The following PPP3CA variants were observed in gnomAD, a reference collection of about 807,000 sequenced individuals.
PPP3CA encodes the protein CAM-PRP catalytic subunit.
In PPP3CA, 14 loss-of-function variants were observed where a neutral mutation model predicts 66.5. That is an observed-to-expected ratio of 0.21 (90% CI 0.14 to 0.33). PPP3CA has a LOEUF of 0.33. PPP3CA is among the 10% of genes least tolerant of loss of function. PPP3CA has a pLI of 1.00. For synonymous variants in PPP3CA, 232 were observed against 226.2 expected (o/e 1.03, Z -0.23); for missense variants, 317 against 639.5 (o/e 0.50, Z 5.44).
At chr4:101,035,737 G>A (rs182365567) in intron 11 of PPP3CA, among the ~76,000 whole-genome samples, 6 of 151,980 alleles carry the variant, frequency 3.9e-5, no homozygotes, top group Admixed American at 6.6e-5. Flanking sequence ...TGCCTCACAC[G>A]GAAGCCATGC....
At chr4:101,044,035 C>A (rs1727654066) in intron 10 of PPP3CA, among the ~76,000 whole-genome samples, 1 of 152,160 alleles carries the variant, frequency 6.6e-6, no homozygotes, top group African/African-American at 2.4e-5. Flanking sequence ...TACCTTCAAT[C>A]TTTTCCATAT....
intron 1 of PPP3CA, among the ~76,000 whole-genome samples, chr4:101,225,753 T>C (rs575728884): frequency 2.6e-5 from 4 of 151,946 alleles, no homozygotes; most frequent in African/African-American, 9.6e-5. Context: ...TGACTACTAA[T>C]AGGAAAAGAA....
chr4:101,094,075 C>G (rs994492938), intron 5 of PPP3CA, among the ~76,000 whole-genome samples, 160 bp from the exon 6 acceptor site: 4 of 152,100 alleles, frequency 2.6e-5, no homozygotes, highest in Non-Finnish European at 5.9e-5. Context: ...GTCCTTCTTC[C>G]TACTCGTTTT....
chr4:101,101,844 T>C (rs1278129963), intron 3 of PPP3CA, among the ~76,000 whole-genome samples: 1 of 152,188 alleles, frequency 6.6e-6, no homozygotes, highest in African/African-American at 2.4e-5. Flanking sequence ...TAGTTTTGCC[T>C]GTAACAATTT....
chr4:101,161,826 C>CT (rs1723519018), intron 2 of PPP3CA, among the ~76,000 whole-genome samples: 2 of 152,032 alleles, frequency 1.3e-5, no homozygotes, highest in Non-Finnish European at 2.9e-5. Flanking sequence ...ACTAGCATAC[C>CT]ATAATAGGAG....
intron 2 of PPP3CA, among the ~76,000 whole-genome samples, chr4:101,189,834 A>C (rs79657955): frequency 1.3e-5 from 2 of 152,092 alleles, no homozygotes; most frequent in Non-Finnish European, 2.9e-5. Flanking sequence ...CATGTTCGCT[A>C]AAATGAAAAT....
At chr4:101,268,844 T>C (rs1237399513) in intron 1 of PPP3CA, among the ~76,000 whole-genome samples, 2 of 152,180 alleles carry the variant, frequency 1.3e-5, no homozygotes, top group African/African-American at 4.8e-5. Context: ...TTGATGTCTA[T>C]GCTGTGTTCC....
chr4:101,335,421 G>A (rs1424964471), intron 1 of PPP3CA, among the ~76,000 whole-genome samples: 1 of 151,932 alleles, frequency 6.6e-6, no homozygotes, highest in African/African-American at 2.4e-5. Context: ...TCTCTCAATA[G>A]CCCCACTATC....
chr4:101,082,160 G>A (rs1343891698), intron 7 of PPP3CA, among the ~76,000 whole-genome samples: 1 of 152,206 alleles, frequency 6.6e-6, no homozygotes, highest in Non-Finnish European at 1.5e-5. Flanking sequence ...CTTGACAAGT[G>A]AGAACAATTA....
At chr4:101,074,091 CA>C (rs1206637007) in intron 8 of PPP3CA, among the ~76,000 whole-genome samples, 1 of 151,962 alleles carries the variant, frequency 6.6e-6, no homozygotes, top group Non-Finnish European at 1.5e-5. Flanking sequence ...TGTAAGGATA[CA>C]AAAAAAGTGC....
At chr4:101,307,240 A>G (rs1728572462) in intron 1 of PPP3CA, among the ~76,000 whole-genome samples, 1 of 151,998 alleles carries the variant, frequency 6.6e-6, no homozygotes, top group African/African-American at 2.4e-5. Context: ...TACGTGGAAA[A>G]CCTGAATGTC....
At chr4:101,241,546 T>C (rs1726310253) in intron 1 of PPP3CA, among the ~76,000 whole-genome samples, 1 of 152,144 alleles carries the variant, frequency 6.6e-6, no homozygotes, top group South Asian at 2.1e-4. Flanking sequence ...ATTAATGTCA[T>C]ATTGTAGAAT....
At chr4:101,082,519 T>C (rs370699367) in intron 7 of PPP3CA, among the ~76,000 whole-genome samples, 14 of 152,216 alleles carry the variant, frequency 9.2e-5, no homozygotes, top group African/African-American at 3.4e-4. Context: ...ATCTTAAAAG[T>C]AGTCTAATTT....
At chr4:101,223,836 C>CA (rs1437693104) in intron 1 of PPP3CA, among the ~76,000 whole-genome samples, 1 of 151,430 alleles carries the variant, frequency 6.6e-6, no homozygotes, top group African/African-American at 2.4e-5. Context: ...ATTCAACAGG[C>CA]AAAAAATAGA....
At chr4:101,131,546 G>A (rs931077774) in intron 2 of PPP3CA, among the ~76,000 whole-genome samples, 4 of 151,568 alleles carry the variant, frequency 2.6e-5, no homozygotes, top group African/African-American at 4.8e-5. Flanking sequence ...GCAACAAGAA[G>A]AGCTAACTAT....
intron 3 of PPP3CA, among the ~76,000 whole-genome samples, chr4:101,102,132 T>A (rs1730469855): frequency 6.6e-6 from 1 of 152,158 alleles, no homozygotes; most frequent in Non-Finnish European, 1.5e-5. Flanking sequence ...GCAACATACA[T>A]GTAATATCCC....
intron 1 of PPP3CA, among the ~76,000 whole-genome samples, chr4:101,203,491 T>C (rs1046854984): frequency 2.6e-5 from 4 of 152,038 alleles, no homozygotes; most frequent in African/African-American, 9.7e-5. Context: ...CAAGACTCCA[T>C]CTCAAAAAAA....
chr4:101,143,665 C>T (rs1374126392), intron 2 of PPP3CA, among the ~76,000 whole-genome samples: 2 of 152,172 alleles, frequency 1.3e-5, no homozygotes, highest in East Asian at 3.8e-4. Context: ...TCTGTGGCCC[C>T]ACTTCCTTTG....
intron 2 of PPP3CA, among the ~76,000 whole-genome samples, chr4:101,113,686 C>T (rs1015821183): frequency 3.9e-5 from 6 of 152,044 alleles, no homozygotes; most frequent in Admixed American, 3.3e-4. Flanking sequence ...AGAAAGTGGT[C>T]AACATACTAA....
Sources: gnomAD v4.1 joint callset for allele counts (sites outside exome capture counted in the v4.1 genomes callset) on GRCh38, gnomAD v4.1.1 for gene constraint, MANE v1.5 for transcripts, NCBI Gene and HGNC (gene_info 2026-07-23, HGNC 2026-07-21) for gene names.